Variants in PEX7 observed in about 807,000 individuals in gnomAD.
PEX7 encodes the protein PTS2 receptor.
Under a neutral mutation model 47.5 loss-of-function variants are expected in PEX7, and 34 were observed. The observed-to-expected ratio is 0.72, with a 90% CI of 0.54 to 0.95. The LOEUF is 0.95. Ranked by LOEUF, PEX7 falls within the 40% of genes least tolerant of loss-of-function variation. The pLI is 0.00. For missense variants in PEX7, 394 were observed against 400.3 expected (o/e 0.98, Z 0.13); for synonymous variants, 141 against 148.8 (o/e 0.95, Z 0.38).
chr6:136,862,074 T>TATATATATTATATATATATATA (rs1774976656), intron 5 of PEX7, among the ~76,000 whole-genome samples: 1 of 144,144 alleles, frequency 6.9e-6, no homozygotes, highest in South Asian at 2.1e-4. Context: ...ATATATAGTT[T>TATATATATTATATATATATATA]TTTTTTTGGG....
chr6:136,841,156 G>A (rs552734358), intron 3 of PEX7, among the ~76,000 whole-genome samples: 1 of 152,270 alleles, frequency 6.6e-6, no homozygotes, highest in African/African-American at 2.4e-5. Flanking sequence ...ATTGATTGAA[G>A]TTGGGATAAT....
intron 8 of PEX7, 140 bp downstream of exon 8, chr6:136,872,393 T>C (rs1775199726): frequency 2.9e-6 from 2 of 690,414 alleles, no homozygotes; most frequent in Non-Finnish European, 2.5e-6. Context: ...TTACTAGGAT[T>C]AATATTATAT....
intron 8 of PEX7, among the ~76,000 whole-genome samples, chr6:136,880,732 G>A (rs1437696359): frequency 6.6e-6 from 1 of 152,154 alleles, no homozygotes; most frequent in Non-Finnish European, 1.5e-5. Flanking sequence ...TTCTGAGTCC[G>A]TATTAGATAT....
intron 3 of PEX7, chr6:136,830,283 T>C (rs1293058549): frequency 9.5e-6 from 4 of 421,436 alleles, no homozygotes; most frequent in African/African-American, 6.2e-5. Context: ...CTTATTATAA[T>C]AGGGTTTGAA....
intron 5 of PEX7, among the ~76,000 whole-genome samples, chr6:136,860,788 C>T (rs985739447): frequency 2.6e-5 from 4 of 152,062 alleles, no homozygotes; most frequent in African/African-American, 9.6e-5. Flanking sequence ...TCTTAGTATA[C>T]AATTTGGTGA....
rs184591397 is a variant in PEX7 at position 136,906,433 on chromosome 6, C to G, written c.904-7025C>G. 8.6e-5 allele frequency among the ~76,000 whole-genome samples: 13 copies of G among 151,834 alleles called. No individual in the cohort carries two copies. The East Asian group carries it at 2.3e-3, about 27-fold the overall frequency. On this transcript the variant is annotated intron_variant, in intron 9 of 9. Coordinates refer to ENST00000318471, the MANE Select transcript of PEX7 (RefSeq NM_000288.4). ...AATAACCTATAGATATAACAATTATCAGTTAGAAAATAAAATGGGAAAAAT... is the reference window on the plus strand; with the variant it reads ...AATAACCTATAGATATAACAATTATGAGTTAGAAAATAAAATGGGAAAAAT...
In PEX7 at chr6:136,900,690, G is replaced by A. The variant is rs182774763; in HGVS notation, c.903+2449G>A. 84 of 344,228 alleles carry A rather than the reference G, an allele frequency of 2.4e-4. 1 individual carries two copies. The East Asian group carries it at 6.2e-3, about 26-fold the overall frequency. The allele number at this position is 344,228 out of a possible 1,614,324, so 21.3% of individuals were successfully genotyped here. On this transcript the variant is annotated intron_variant, in intron 9 of 9. Coordinates refer to ENST00000318471, the MANE Select transcript of PEX7 (RefSeq NM_000288.4). This position sits in a 1 kb window ranked among gnomAD's most constrained non-coding sequence, Gnocchi z 4.2. The stretch of plus-strand genomic sequence containing the variant: ...AGACAACCAGCTTGATGGGATCCAC[G>A]TCATGTGCAGTCACCGCCAGCTGAG...
chr6:136,866,856 C>T (rs1775081385), intron 6 of PEX7, 123 bp downstream of exon 6: 1 of 808,684 alleles, frequency 1.2e-6, no homozygotes, highest in Admixed American at 2.0e-5. Context: ...AAATTCTGTC[C>T]CTTTCCTTTC....
rs1775967965 is a variant in PEX7, at chr6:136,913,603, CAT to C, written c.*79_*80del. 1.0e-6 allele frequency: 1 copy of C among 963,054 alleles called. No homozygotes were observed. Among genetic ancestry groups the C allele is most frequent in the African/African-American group, 1.6e-5 (1 of 62,302 alleles). 59.7% of individuals were successfully genotyped at this position (963,054 alleles called of 1,614,324 possible). A position where few individuals can be genotyped will look rare whatever the true frequency, so the allele number is the denominator to read the frequency against. ...CAGCAAATAAATTAACTATGGAAAA[CAT>C]AGACATTATGCTTTTATATGCTATT... On this transcript the variant is annotated 3_prime_UTR_variant, in exon 10 of 10. Coordinates refer to ENST00000318471, the MANE Select transcript of PEX7 (RefSeq NM_000288.4).
chr6:136,906,811 T>G (rs944291221), intron 9 of PEX7, among the ~76,000 whole-genome samples: 3 of 152,176 alleles, frequency 2.0e-5, no homozygotes, highest in South Asian at 2.1e-4. Flanking sequence ...GCCATACTAT[T>G]AAGTACTAGT....
chr6:136,903,735 T>C (rs1307278133), intron 9 of PEX7, among the ~76,000 whole-genome samples: 2 of 152,000 alleles, frequency 1.3e-5, no homozygotes, highest in Non-Finnish European at 2.9e-5. Flanking sequence ...TCATGGCTCA[T>C]TGTAGCTTCA....
At chr6:136,883,602 C>T (rs1206076165) in intron 8 of PEX7, among the ~76,000 whole-genome samples, 1 of 152,136 alleles carries the variant, frequency 6.6e-6, no homozygotes. Context: ...TTGGTCGTCT[C>T]CCTTTGGTTT....
intron 8 of PEX7, among the ~76,000 whole-genome samples, chr6:136,882,281 G>A (rs1439032678): frequency 6.8e-6 from 1 of 147,754 alleles, no homozygotes; most frequent in Non-Finnish European, 1.5e-5. Flanking sequence ...GGGTTCAAGC[G>A]ATTCTCCCAC....
In PEX7 at chr6:136,893,751, CA is replaced by C. The variant is rs879668442; in HGVS notation, c.804-4390del. 2.1e-3 allele frequency among the ~76,000 whole-genome samples: 316 copies of C among 152,192 alleles called. 5 individuals are homozygous for C. Among genetic ancestry groups the C allele is most frequent in the Admixed American group, 0.019 (284 of 15,292 alleles). ...TGAAATTTGCTTAAAATGATAAAAA[CA>C]CAACAAAAATTAATATACATGTAAG... On this transcript the variant is annotated intron_variant, in intron 8 of 9. Coordinates refer to ENST00000318471, the MANE Select transcript of PEX7 (RefSeq NM_000288.4).
intron 3 of PEX7, chr6:136,829,907 A>C: frequency 1.5e-6 from 1 of 672,350 alleles, no homozygotes; most frequent in Non-Finnish European, 2.7e-6. Flanking sequence ...ATTGCACTCC[A>C]GCCTGGACAA....
chr6:136,881,829 G>A (rs764526778), intron 8 of PEX7, among the ~76,000 whole-genome samples: 28 of 152,162 alleles, frequency 1.8e-4, no homozygotes, highest in Non-Finnish European at 3.5e-4. Flanking sequence ...CAAGGACAGG[G>A]AGCGGGGGAT....
chr6:136,890,830 A>T (rs1422580494), intron 8 of PEX7, among the ~76,000 whole-genome samples: 1 of 152,118 alleles, frequency 6.6e-6, no homozygotes, highest in Non-Finnish European at 1.5e-5. Flanking sequence ...ATGTGGTCAC[A>T]TTATCCACTG....
intron 5 of PEX7, among the ~76,000 whole-genome samples, chr6:136,849,214 T>TTATAGTGTC (rs1197887540): frequency 2.0e-5 from 3 of 152,204 alleles, no homozygotes; most frequent in Admixed American, 1.3e-4. Context: ...TTATCATTTT[T>TTATAGTGTC]TATAGTGTCT....
chr6:136,830,174 T>G (rs1774268801), intron 3 of PEX7: 1 of 621,372 alleles, frequency 1.6e-6, no homozygotes. Flanking sequence ...GTCACATATT[T>G]TTCCTAAACT....
Sources: allele counts gnomAD v4.1 joint callset (sites outside exome capture counted in the v4.1 genomes callset), GRCh38; gene constraint gnomAD v4.1.1; non-coding constraint Gnocchi (gnomAD v3.1); transcripts MANE v1.5; gene names NCBI Gene and HGNC (gene_info 2026-07-23, HGNC 2026-07-21).